Variants in TMC1 observed in about 807,000 individuals in gnomAD.
TMC1 encodes transmembrane channel-like protein 1.
Under a neutral mutation model 105.8 loss-of-function variants are expected in TMC1, and 84 were observed. The observed-to-expected ratio is 0.79, with a 90% confidence interval of 0.67 to 0.95. TMC1 has a LOEUF of 0.95. Ranked by LOEUF, TMC1 falls within the 40% of genes least tolerant of loss-of-function variation. TMC1 has a pLI of 0.00. For synonymous variants in TMC1, 315 were observed against 311.5 expected (o/e 1.01, Z -0.12); for missense variants, 817 against 914.1 (o/e 0.89, Z 1.37).
In TMC1 at chr9:72,773,241, GC is replaced by G. The variant is rs1241151160; in HGVS notation, c.884+688del. 6.6e-5 allele frequency among the ~76,000 whole-genome samples: 10 copies of G among 152,186 alleles called. No individual in the cohort carries two copies. The East Asian group carries it at 1.9e-3, about 29-fold the overall frequency. On this transcript the variant is annotated intron_variant, in intron 13 of 23. Coordinates refer to ENST00000297784, the MANE Select transcript of TMC1 (RefSeq NM_138691.3). ...TATATATTAAAAAAATGACCCTTTA[GC>G]CAATTTTTTTTGAACTAGTTTACGA...
At chr9:72,544,699 T>C (rs7034896) in intron 1 of TMC1, among the ~76,000 whole-genome samples, 88,331 of 150,728 alleles carry the variant, frequency 0.59, 28,004 homozygotes, top group African/African-American at 0.85. Context: ...AGGCTGATCT[T>C]GAACTCCTGA....
rs528693916 is a variant in TMC1, at chr9:72,724,516, A to G, written c.363-15603A>G. Among the ~76,000 whole-genome samples the G allele has an allele frequency of 7.9e-5, 12 of 152,242 alleles. No individual in the cohort carries two copies. The East Asian group carries it at 1.3e-3, about 17-fold the overall frequency. ...TTCCAATACATAAACTTTAGGAGACATAGTCAAACCATAGAAATCTTAAAC... is the reference window on the plus strand; with the variant it reads ...TTCCAATACATAAACTTTAGGAGACGTAGTCAAACCATAGAAATCTTAAAC... On this transcript the variant is annotated intron_variant, in intron 8 of 23. Transcript: ENST00000297784.
At chr9:72,581,519 T>C (rs7865981) in intron 2 of TMC1, among the ~76,000 whole-genome samples, 87,639 of 152,102 alleles carry the variant, frequency 0.58, 26,875 homozygotes, top group African/African-American at 0.8. Context: ...ATTAGCACTC[T>C]TAGCCCTGAG....
At chr9:72,713,791 A>C (rs2117919135) in intron 8 of TMC1, among the ~76,000 whole-genome samples, 1 of 142,500 alleles carries the variant, frequency 7.0e-6, no homozygotes, top group Non-Finnish European at 1.5e-5. Context: ...GCTCTTAGTT[A>C]CTTCTTGCCT....
At chr9:72,575,372 G>C (rs913656420) in intron 1 of TMC1, among the ~76,000 whole-genome samples, 4 of 152,006 alleles carry the variant, frequency 2.6e-5, no homozygotes, top group Non-Finnish European at 4.4e-5. Context: ...GTACTGACGG[G>C]GTTTCACCAT....
At chr9:72,550,687 T>C (rs866996833) in intron 1 of TMC1, among the ~76,000 whole-genome samples, 3 of 146,948 alleles carry the variant, frequency 2.0e-5, no homozygotes, top group Admixed American at 1.4e-4. Context: ...AAAGTATGGT[T>C]GTTCCAGTCC....
chr9:72,546,376 T>G (rs554544780), intron 1 of TMC1, among the ~76,000 whole-genome samples: 1 of 152,316 alleles, frequency 6.6e-6, no homozygotes, highest in Admixed American at 6.5e-5. Flanking sequence ...AAAAAACCAC[T>G]GAATGATTGA....
intron 2 of TMC1, among the ~76,000 whole-genome samples, chr9:72,585,441 C>T (rs1465485247): frequency 6.6e-6 from 1 of 152,038 alleles, no homozygotes; most frequent in Non-Finnish European, 1.5e-5. Context: ...GGAGCCACTG[C>T]GCCTGGCCTG....
intron 12 of TMC1, among the ~76,000 whole-genome samples, chr9:72,769,181 C>T (rs1455245727): frequency 1.3e-5 from 2 of 152,122 alleles, no homozygotes; most frequent in African/African-American, 2.4e-5. Flanking sequence ...ATTACTTAAC[C>T]TCTCTAAGGC....
chr9:72,815,513 TAA>T (rs1828772397), intron 18 of TMC1, among the ~76,000 whole-genome samples: 1 of 152,332 alleles, frequency 6.6e-6, no homozygotes, highest in African/African-American at 2.4e-5. Context: ...CACCCGCATA[TAA>T]AGTATGACTA....
At chr9:72,695,966 A>G (rs1280670408) in intron 7 of TMC1, among the ~76,000 whole-genome samples, 1 of 152,120 alleles carries the variant, frequency 6.6e-6, no homozygotes, top group East Asian at 1.9e-4. Flanking sequence ...ATGTATTACT[A>G]TGATTGTTAG....
chr9:72,594,273 A>C (rs1401093149), intron 2 of TMC1, among the ~76,000 whole-genome samples: 5 of 152,230 alleles, frequency 3.3e-5, no homozygotes, highest in Non-Finnish European at 7.3e-5. Flanking sequence ...AAGAGCTGAC[A>C]AGACAAAGGG....
chr9:72,671,797 A>G lies in TMC1; in HGVS notation c.17-16912A>G, dbSNP rs1053435507. On this transcript the variant is annotated intron_variant, in intron 5 of 23. Coordinates refer to ENST00000297784, the MANE Select transcript of TMC1 (RefSeq NM_138691.3). ...TTAAAAAGAAAAAAAATCAAAGCATAGTATAGTTGTTAAATCATTTTAATA... is the reference window on the plus strand; with the variant it reads ...TTAAAAAGAAAAAAAATCAAAGCATGGTATAGTTGTTAAATCATTTTAATA... Among the ~76,000 whole-genome samples, 12 of 152,342 alleles carry G rather than the reference A, an allele frequency of 7.9e-5. 2 individuals carry two copies. In the South Asian group the frequency reaches 2.3e-3, roughly 29 times the overall value.
At chr9:72,825,977 ATT>A (rs1410490515) in intron 20 of TMC1, among the ~76,000 whole-genome samples, 2 of 152,158 alleles carry the variant, frequency 1.3e-5, no homozygotes, top group African/African-American at 4.8e-5. Context: ...CTTGCGTGTC[ATT>A]GTTATTTAGT....
At chr9:72,616,121 A>T (rs1304273955) in intron 2 of TMC1, 1 of 152,192 alleles carries the variant, frequency 6.6e-6, no homozygotes. Context: ...TACTTGAGTC[A>T]TTCCTCTGTC....
chr9:72,671,986 A>G (rs767600726), intron 5 of TMC1, among the ~76,000 whole-genome samples: 21 of 152,322 alleles, frequency 1.4e-4, no homozygotes, highest in South Asian at 1.0e-3. Flanking sequence ...TAAGAACAGA[A>G]ACAAATAAAC....
intron 18 of TMC1, among the ~76,000 whole-genome samples, chr9:72,814,249 A>G (rs1360540445): frequency 6.6e-6 from 1 of 152,154 alleles, no homozygotes; most frequent in African/African-American, 2.4e-5. Context: ...CCGAGTAAGC[A>G]TTTTTCAGAT....
At chr9:72,650,903 A>AT (rs1825801321) in intron 5 of TMC1, among the ~76,000 whole-genome samples, 5 of 126,718 alleles carry the variant, frequency 3.9e-5, no homozygotes, top group Non-Finnish European at 6.8e-5. Context: ...TATATATATA[A>AT]ATATATATAG....
chr9:72,607,218 T>C (rs1824936497), intron 2 of TMC1, among the ~76,000 whole-genome samples: 1 of 152,102 alleles, frequency 6.6e-6, no homozygotes, highest in South Asian at 2.1e-4. Flanking sequence ...TGGTACATGG[T>C]AGGTACCATG....
Sources: allele counts gnomAD v4.1 joint callset (sites outside exome capture counted in the v4.1 genomes callset), GRCh38; gene constraint gnomAD v4.1.1; transcripts MANE v1.5; gene names NCBI Gene and HGNC (gene_info 2026-07-23, HGNC 2026-07-21).